Variants in MAP7 observed in about 807,000 individuals in gnomAD.
MAP7 encodes the protein ensconsin.
A neutral mutation model predicts 94.8 loss-of-function variants in MAP7; 52 were observed. That is an observed-to-expected ratio of 0.55 (90% CI 0.44 to 0.69). The LOEUF (loss-of-function observed/expected upper bound fraction) is 0.69. Ranked by LOEUF, MAP7 falls within the 30% of genes least tolerant of loss-of-function variation. The pLI is 0.00. For synonymous variants in MAP7, 350 were observed against 357.0 expected (o/e 0.98, Z 0.22); for missense variants, 940 against 964.6 (o/e 0.97, Z 0.34).
chr6:136,385,934 C>T (rs990197305), intron 5 of MAP7, among the ~76,000 whole-genome samples: 11 of 152,088 alleles, frequency 7.2e-5, no homozygotes, highest in Non-Finnish European at 1.5e-4. Context: ...CCATAGCCGG[C>T]TAGTTTTTGT....
intron 16 of MAP7, among the ~76,000 whole-genome samples, chr6:136,355,610 T>C (rs1167176736): frequency 2.0e-5 from 3 of 152,192 alleles, no homozygotes; most frequent in Non-Finnish European, 4.4e-5. Flanking sequence ...AAATGTAGTG[T>C]CTGTGTGTCT....
rs370326356 is a variant in MAP7 at position 136,539,293 on chromosome 6, T to C, written c.67+11049A>G. 1.4e-4 allele frequency among the ~76,000 whole-genome samples: 22 copies of C among 152,298 alleles called. No individual in the cohort carries two copies. The East Asian group carries it at 1.9e-3, about 13-fold the overall frequency. ...TGAGGAAGAGAATGCTTACATGACATGCCCAAGATCCCACAGGTACCAAGT... is the reference window on the plus strand; with the variant it reads ...TGAGGAAGAGAATGCTTACATGACACGCCCAAGATCCCACAGGTACCAAGT... On this transcript the variant is annotated intron_variant, in intron 1 of 17. Coordinates refer to ENST00000354570, the MANE Select transcript of MAP7 (RefSeq NM_003980.6).
chr6:136,382,551 C>T (rs1044127824), intron 6 of MAP7, among the ~76,000 whole-genome samples: 11 of 151,938 alleles, frequency 7.2e-5, no homozygotes, highest in African/African-American at 2.4e-4. Context: ...GACTACAAGT[C>T]TAATATTGAT....
intron 16 of MAP7, among the ~76,000 whole-genome samples, chr6:136,353,701 G>A (rs964342606): frequency 1.3e-5 from 2 of 152,004 alleles, no homozygotes; most frequent in African/African-American, 4.8e-5. Flanking sequence ...CTACAGTTGT[G>A]TGCCACCATG....
At chr6:136,460,384 A>C (rs1050543056) in intron 1 of MAP7, among the ~76,000 whole-genome samples, 10 of 152,146 alleles carry the variant, frequency 6.6e-5, no homozygotes, top group African/African-American at 2.4e-4. Flanking sequence ...TTTTTGCCAA[A>C]ATTTCTGTAA....
At chr6:136,448,846 G>GA (rs1020077565) in intron 1 of MAP7, among the ~76,000 whole-genome samples, 2 of 151,918 alleles carry the variant, frequency 1.3e-5, no homozygotes, top group Non-Finnish European at 1.5e-5. Context: ...CAAGAAAGGG[G>GA]AAAAAAACAA....
At chr6:136,503,457 G>A (rs928095880) in intron 1 of MAP7, among the ~76,000 whole-genome samples, 6 of 152,096 alleles carry the variant, frequency 3.9e-5, no homozygotes, top group African/African-American at 1.2e-4. Context: ...ACCCTGACCC[G>A]CCATGTCAAT....
At position 136,423,725 on chromosome 6, in the gene MAP7, TAAA is replaced by T. The variant is rs545495506; in HGVS notation, c.68-1929_68-1927del. ...CATTATATTAAGTAAATCTGAGCCT[TAAA>T]AAAAAAAAAAACAAAACCTCAGTAA... On this transcript the variant is annotated intron_variant, in intron 1 of 17. Coordinates refer to ENST00000354570, the MANE Select transcript of MAP7 (RefSeq NM_003980.6). 2.3e-5 allele frequency among the ~76,000 whole-genome samples: 3 copies of T among 133,074 alleles called. No homozygotes were observed. The East Asian group carries it at 6.4e-4, about 28-fold the overall frequency. The allele number at this position is 133,074 out of a possible 152,430, so 87.3% of individuals were successfully genotyped here.
chr6:136,373,933 G>A (rs1775311160), intron 7 of MAP7, among the ~76,000 whole-genome samples: 1 of 152,176 alleles, frequency 6.6e-6, no homozygotes, highest in Non-Finnish European at 1.5e-5. Context: ...TTCATTAAAT[G>A]CCTGGCAGTA....
chr6:136,353,361 A>G (rs1317813712), intron 16 of MAP7, among the ~76,000 whole-genome samples: 1 of 152,212 alleles, frequency 6.6e-6, no homozygotes. Context: ...GTAAAAGCCA[A>G]GTATCATCAT....
intron 1 of MAP7, among the ~76,000 whole-genome samples, chr6:136,448,516 G>C (rs1800052339): frequency 6.6e-6 from 1 of 151,796 alleles, no homozygotes; most frequent in Non-Finnish European, 1.5e-5. Context: ...CCGGGTTCAA[G>C]TGATTCTCCT....
intron 1 of MAP7, among the ~76,000 whole-genome samples, chr6:136,518,407 T>C (rs1461476929): frequency 2.0e-5 from 3 of 152,192 alleles, no homozygotes; most frequent in Non-Finnish European, 4.4e-5. Context: ...CATTTTACAG[T>C]TGGCATAAAT....
In MAP7 at chr6:136,506,318, T is replaced by A. The variant is rs569640336; in HGVS notation, c.67+44024A>T. On this transcript the variant is annotated intron_variant, in intron 1 of 17. Coordinates refer to ENST00000354570, the MANE Select transcript of MAP7 (RefSeq NM_003980.6). Reference sequence around the variant, plus strand: ...ATCATTACTGTGGATGGTATTAGGTTTCACTGAGAACGAAGAGGTCACTAA... The same window carrying A: ...ATCATTACTGTGGATGGTATTAGGTATCACTGAGAACGAAGAGGTCACTAA... Among the ~76,000 whole-genome samples, 120 of 152,180 alleles carry A rather than the reference T, an allele frequency of 7.9e-4. 1 individual carries two copies. The highest frequency in any genetic ancestry group is 9.6e-4 in the East Asian group (5 of 5,182).
intron 5 of MAP7, among the ~76,000 whole-genome samples, chr6:136,385,270 TAA>T (rs3839509): frequency 3.3e-5 from 5 of 151,186 alleles, no homozygotes; most frequent in African/African-American, 4.9e-5. Context: ...ATTTTATTAT[TAA>T]AAAAAAAACC....
chr6:136,478,392 G>A (rs1466086227), intron 1 of MAP7, among the ~76,000 whole-genome samples: 1 of 151,930 alleles, frequency 6.6e-6, no homozygotes, highest in Non-Finnish European at 1.5e-5. Flanking sequence ...AGACCAGCCT[G>A]GGCAAGACAG....
rs1794138617 is a variant in MAP7 at position 136,365,785 on chromosome 6, T to C, written c.1223A>G (p.Glu408Gly). The change falls in exon 10 of 18, where the codon GAA becomes GGA. Residue 408 changes from glutamate to glycine, a missense_variant. By Grantham distance (98) the Glu-to-Gly change is moderately conservative (BLOSUM62 -2). Coordinates refer to ENST00000354570, the MANE Select transcript of MAP7 (RefSeq NM_003980.6). Reference protein sequence around the residue: ...LKGRAPLVKVEEATVEERTPA... With the variant: ...LKGRAPLVKVGEATVEERTPA... ...TGTCCGCTCTTCAACTGTGGCTTCTTCTACCTTCACTAAAGGTGCTCTGCC... is the reference window on the plus strand; with the variant it reads ...TGTCCGCTCTTCAACTGTGGCTTCTCCTACCTTCACTAAAGGTGCTCTGCC... The C allele has an allele frequency of 6.2e-7, 1 of 1,614,142 alleles. No individual in the cohort carries two copies. The highest frequency in any genetic ancestry group is 8.5e-7 in the Non-Finnish European group (1 of 1,180,030).
At chr6:136,525,918 GTCT>G (rs1827696672) in intron 1 of MAP7, 1 of 1,534,340 alleles carries the variant, frequency 6.5e-7, no homozygotes, top group Non-Finnish European at 8.7e-7. Context: ...CCTTGCATTG[GTCT>G]TCTTCAGTCT....
At chr6:136,490,587 G>T (rs1171219782) in intron 1 of MAP7, among the ~76,000 whole-genome samples, 1 of 152,132 alleles carries the variant, frequency 6.6e-6, no homozygotes, top group East Asian at 1.9e-4. Context: ...GCTTCTTTAG[G>T]ACATTTGAAT....
At chr6:136,390,021 G>A (rs765492633) in intron 3 of MAP7, among the ~76,000 whole-genome samples, 2 of 152,198 alleles carry the variant, frequency 1.3e-5, no homozygotes, top group Non-Finnish European at 2.9e-5. Context: ...TCAGGGATGG[G>A]AAGGACCGAA....
Sources: allele counts gnomAD v4.1 joint callset (sites outside exome capture counted in the v4.1 genomes callset), GRCh38; gene constraint gnomAD v4.1.1; transcripts MANE v1.5; gene names NCBI Gene and HGNC (gene_info 2026-07-23, HGNC 2026-07-21).